Variants in ARHGEF26 observed in about 807,000 individuals in gnomAD.
The protein encoded by ARHGEF26 is Rho guanine nucleotide exchange factor (GEF) 26.
A neutral mutation model predicts 89.4 loss-of-function variants in ARHGEF26; 59 were observed. The observed-to-expected ratio is 0.66, with a 90% CI of 0.54 to 0.82. The LOEUF is 0.82. ARHGEF26 is among the 40% of genes least tolerant of loss of function. ARHGEF26 has a pLI of 0.00. For synonymous variants in ARHGEF26, 500 were observed against 428.4 expected (o/e 1.17, Z -2.06); for missense variants, 1,234 against 1,085.6 (o/e 1.14, Z -1.92).
At chr3:154,194,416 C>T (rs1714154538) in intron 8 of ARHGEF26, among the ~76,000 whole-genome samples, 1 of 152,242 alleles carries the variant, frequency 6.6e-6, no homozygotes, top group Non-Finnish European at 1.5e-5. Flanking sequence ...ACCAGGGTTA[C>T]CCACCTCTGA....
At chr3:154,146,307 C>T (rs1719703134) in intron 4 of ARHGEF26, among the ~76,000 whole-genome samples, 1 of 152,206 alleles carries the variant, frequency 6.6e-6, no homozygotes, top group African/African-American at 2.4e-5. Flanking sequence ...AAGGCTCCAC[C>T]TCCTAATACC....
At chr3:154,237,132 G>T (rs2108277228) in intron 11 of ARHGEF26, among the ~76,000 whole-genome samples, 1 of 152,184 alleles carries the variant, frequency 6.6e-6, no homozygotes, top group East Asian at 1.9e-4. Context: ...AGCCATCCTG[G>T]GTCTTAATCA....
intron 11 of ARHGEF26, among the ~76,000 whole-genome samples, chr3:154,230,538 G>T (rs1051371029): frequency 6.6e-6 from 1 of 152,108 alleles, no homozygotes; most frequent in Non-Finnish European, 1.5e-5. Flanking sequence ...GTAAGCTTTT[G>T]TTGAGTATTT....
intron 11 of ARHGEF26, among the ~76,000 whole-genome samples, chr3:154,226,966 A>G (rs1019496248): frequency 1.3e-5 from 2 of 152,174 alleles, no homozygotes; most frequent in Non-Finnish European, 2.9e-5. Flanking sequence ...TAAATGTCCA[A>G]ATGTATCAGG....
chr3:154,203,361 G>A (rs1025749328), intron 9 of ARHGEF26, among the ~76,000 whole-genome samples: 5 of 152,000 alleles, frequency 3.3e-5, no homozygotes, highest in South Asian at 2.1e-4. Flanking sequence ...CTTGATCATG[G>A]TGGATAAGCT....
rs2108027300 is a variant in ARHGEF26 at position 154,122,126 on chromosome 3, G to A, written c.134G>A (p.Gly45Glu). Reference protein sequence around the residue: ...PRPQSYQSPNGLLITDFPVED... With the variant: ...PRPQSYQSPNELLITDFPVED... ...CCCCAGTCCTACCAGAGCCCCAACG[G>A]GTTACTAATTACGGATTTCCCGGTG... The change falls in exon 2 of 15, where the codon GGG becomes GAG. Residue 45 changes from glycine (G) to glutamate (E), a missense_variant. Transcript: ENST00000465093. 3 of 1,607,106 alleles carry A rather than the reference G, an allele frequency of 1.9e-6. No individual in the cohort carries two copies. Among genetic ancestry groups the A allele is most frequent in the South Asian group, 2.2e-5 (2 of 89,876 alleles).
chr3:154,254,297 A>C (rs1363943748), intron 13 of ARHGEF26, among the ~76,000 whole-genome samples: 1 of 152,016 alleles, frequency 6.6e-6, no homozygotes, highest in African/African-American at 2.4e-5. Context: ...TTTTTTTTGG[A>C]AACTTTCATG....
intron 12 of ARHGEF26, among the ~76,000 whole-genome samples, chr3:154,241,982 G>A (rs1717507153): frequency 1.3e-5 from 2 of 152,194 alleles, no homozygotes; most frequent in South Asian, 4.1e-4. Flanking sequence ...TCTAACTGAA[G>A]TTTGGCCAAG....
At chr3:154,242,708 A>G (rs986783417) in intron 12 of ARHGEF26, among the ~76,000 whole-genome samples, 5 of 152,192 alleles carry the variant, frequency 3.3e-5, no homozygotes, top group African/African-American at 1.2e-4. Context: ...TGCTATACAG[A>G]AATCTTTCAT....
At chr3:154,222,714 A>G (rs1716213686) in intron 10 of ARHGEF26, among the ~76,000 whole-genome samples, 1 of 152,200 alleles carries the variant, frequency 6.6e-6, no homozygotes, top group African/African-American at 2.4e-5. Context: ...TTTTCATTCC[A>G]GAAGCTTGAC....
At chr3:154,253,270 C>T in intron 13 of ARHGEF26, 87 bp downstream of exon 13, 1 of 1,463,856 alleles carries the variant, frequency 6.8e-7, no homozygotes, top group South Asian at 1.2e-5. Flanking sequence ...AGTTATATTG[C>T]CACAATACTT....
At chr3:154,207,068 A>C (rs1715061673) in intron 9 of ARHGEF26, among the ~76,000 whole-genome samples, 1 of 152,202 alleles carries the variant, frequency 6.6e-6, no homozygotes, top group African/African-American at 2.4e-5. Flanking sequence ...TATGCAGAAA[A>C]TTGAAACTGG....
chr3:154,152,879 C>T lies in ARHGEF26; in HGVS notation c.1434C>T (p.Thr478=), dbSNP rs367608411. The change falls in exon 6 of 15, where the codon ACC becomes ACT. Residue 478 remains threonine, a synonymous_variant. Transcript: ENST00000465093. ...SKELSDTMTK[T]ERHHLFSNIT... is the part of the protein sequence containing the mutation. ...AACTGAGTGATACAATGACTAAAAC[C>T]GAGAGGCACCATCTTTTCTCCAATA... 3.6e-5 allele frequency: 58 copies of T among 1,596,924 alleles called. No homozygotes were observed. The highest frequency in any genetic ancestry group is 1.9e-4 in the African/African-American group (14 of 74,440).
intron 10 of ARHGEF26, among the ~76,000 whole-genome samples, chr3:154,224,572 G>C (rs1358364528): frequency 1.3e-5 from 2 of 152,114 alleles, no homozygotes; most frequent in Admixed American, 1.3e-4. Context: ...CCCTTCAGCC[G>C]GACCTACCCT....
chr3:154,128,247 T>A (rs775487728), intron 3 of ARHGEF26, among the ~76,000 whole-genome samples: 2 of 152,032 alleles, frequency 1.3e-5, no homozygotes, highest in Non-Finnish European at 2.9e-5. Context: ...AACTCCCATC[T>A]TCTTCTTCTT....
intron 9 of ARHGEF26, among the ~76,000 whole-genome samples, chr3:154,202,046 T>G (rs1714677114): frequency 6.6e-6 from 1 of 152,198 alleles, no homozygotes; most frequent in Non-Finnish European, 1.5e-5. Flanking sequence ...TTGTTGCCAT[T>G]TGTTTTGGTG....
intron 6 of ARHGEF26, among the ~76,000 whole-genome samples, chr3:154,161,651 A>G (rs981190732): frequency 2.0e-5 from 3 of 152,156 alleles, no homozygotes; most frequent in African/African-American, 7.2e-5. Context: ...ATCTAGTGCA[A>G]TGGTTTGCAT....
chr3:154,132,808 C>T (rs1718766771), intron 4 of ARHGEF26, among the ~76,000 whole-genome samples: 2 of 151,942 alleles, frequency 1.3e-5, no homozygotes, highest in East Asian at 1.9e-4. Context: ...TTAAACCTAG[C>T]ATCATCTACG....
intron 12 of ARHGEF26, among the ~76,000 whole-genome samples, chr3:154,252,040 C>T (rs999751249): frequency 2.6e-5 from 4 of 152,084 alleles, no homozygotes; most frequent in Non-Finnish European, 4.4e-5. Flanking sequence ...TGTTCCAATG[C>T]GGTAAGTCAT....
Sources: gnomAD v4.1 joint callset for allele counts (sites outside exome capture counted in the v4.1 genomes callset) on GRCh38, gnomAD v4.1.1 for gene constraint, MANE v1.5 for transcripts, NCBI Gene and HGNC (gene_info 2026-07-23, HGNC 2026-07-21) for gene names.